RASGEF1C: variants seen among roughly 807,000 people sequenced by gnomAD.
RASGEF1C encodes RasGEF domain family member 1C.
A neutral mutation model predicts 58.1 loss-of-function variants in RASGEF1C; 27 were observed. The ratio of observed to expected loss-of-function variants is 0.46; its 90% CI spans 0.34 to 0.64. The LOEUF (loss-of-function observed/expected upper bound fraction) is 0.64, where lower values mean the gene tolerates loss of function less well. RASGEF1C is among the 30% of genes least tolerant of loss of function. RASGEF1C has a pLI of 0.01. For synonymous variants in RASGEF1C, 243 were observed against 246.3 expected (o/e 0.99, Z 0.13); for missense variants, 502 against 605.1 (o/e 0.83, Z 1.79).
chr5:180,178,569 C>T (rs142570051), intron 1 of RASGEF1C, among the ~76,000 whole-genome samples: 3,155 of 152,092 alleles, frequency 0.021, 93 homozygotes, highest in African/African-American at 0.072. Context: ...TGTGAGCCAC[C>T]GTGACTGGCT....
chr5:180,145,059 G>T (rs1467617488), intron 1 of RASGEF1C, among the ~76,000 whole-genome samples: 2 of 152,226 alleles, frequency 1.3e-5, no homozygotes, highest in Non-Finnish European at 2.9e-5. Context: ...TCAGTGGGCA[G>T]TGGGGGTTGT....
chr5:180,137,424 T>C lies in RASGEF1C; in HGVS notation c.300+166A>G, dbSNP rs1271598390. On this transcript the variant is annotated intron_variant, in intron 3 of 13. Coordinates refer to ENST00000361132, the MANE Select transcript of RASGEF1C (RefSeq NM_175062.4). The surrounding 1 kb of genome is among the most constrained non-coding windows in gnomAD (Gnocchi z 4.1). ...AACTACATGGAGGTTAAAGGTCCTG[T>C]TCTGCTCCTTCTGGCTCTGGGCCTC... Among the ~76,000 whole-genome samples, 2 of 152,146 alleles carry C rather than the reference T, an allele frequency of 1.3e-5. No homozygotes were observed. The highest frequency in any genetic ancestry group is 2.9e-5 in the Non-Finnish European group (2 of 68,020).
intron 3 of RASGEF1C, chr5:180,136,718 C>T: frequency 5.1e-6 from 3 of 592,098 alleles, no homozygotes; most frequent in East Asian, 5.9e-5. Flanking sequence ...GCAGGGCCAT[C>T]TCTTGCTCTG....
At chr5:180,173,868 G>A (rs955299653) in intron 1 of RASGEF1C, among the ~76,000 whole-genome samples, 8 of 150,232 alleles carry the variant, frequency 5.3e-5, no homozygotes, top group African/African-American at 1.2e-4. Flanking sequence ...AGCTGAGATT[G>A]TGCCACTGCA....
intron 10 of RASGEF1C, chr5:180,115,443 G>A (rs1323128301): frequency 6.1e-6 from 2 of 326,594 alleles, no homozygotes; most frequent in South Asian, 5.1e-5. Flanking sequence ...GTGAAGGGCT[G>A]CGGGCTGCGT....
intron 1 of RASGEF1C, among the ~76,000 whole-genome samples, chr5:180,175,567 G>A (rs1248082559): frequency 6.6e-6 from 1 of 152,210 alleles, no homozygotes; most frequent in Non-Finnish European, 1.5e-5. Context: ...GGCCACACTC[G>A]GGACATTTCC....
At chr5:180,111,327 C>G in intron 12 of RASGEF1C, 130 bp downstream of exon 12, 1 of 1,255,606 alleles carries the variant, frequency 8.0e-7, no homozygotes, top group South Asian at 1.4e-5. Context: ...TCCTTGTTCC[C>G]TCCCGGAGCC....
At chr5:180,135,626 T>G (rs1766458584) in intron 4 of RASGEF1C, among the ~76,000 whole-genome samples, 1 of 152,164 alleles carries the variant, frequency 6.6e-6, no homozygotes, top group African/African-American at 2.4e-5. Context: ...CTTTCGCCCA[T>G]AAGGGAAGTG....
At chr5:180,124,375 T>C (rs1325263961) in intron 6 of RASGEF1C, among the ~76,000 whole-genome samples, 1 of 152,164 alleles carries the variant, frequency 6.6e-6, no homozygotes, top group African/African-American at 2.4e-5. Context: ...ACAAGAACAG[T>C]ATCAGAAGGG....
chr5:180,159,675 C>T (rs942972298), intron 1 of RASGEF1C, among the ~76,000 whole-genome samples: 1 of 152,178 alleles, frequency 6.6e-6, no homozygotes, highest in Non-Finnish European at 1.5e-5. Context: ...TTTGGGGGAA[C>T]TCTGATCCTG....
intron 1 of RASGEF1C, among the ~76,000 whole-genome samples, chr5:180,193,290 C>CAA: frequency 7.0e-6 from 1 of 142,818 alleles, no homozygotes; most frequent in Middle Eastern, 4.3e-3. Flanking sequence ...CTCCTGACCT[C>CAA]GTGATCCGCC....
At chr5:180,199,659 C>T (rs2127564030) in intron 1 of RASGEF1C, among the ~76,000 whole-genome samples, 1 of 151,742 alleles carries the variant, frequency 6.6e-6, no homozygotes, top group East Asian at 1.9e-4. Context: ...CTCTGCCTTC[C>T]CTCCCTCTCT....
At chr5:180,160,529 G>A (rs1010406724) in intron 1 of RASGEF1C, among the ~76,000 whole-genome samples, 1 of 152,166 alleles carries the variant, frequency 6.6e-6, no homozygotes, top group Non-Finnish European at 1.5e-5. Context: ...CGAACTGCAC[G>A]CACCCATTTC....
intron 12 of RASGEF1C, among the ~76,000 whole-genome samples, chr5:180,103,484 G>A (rs551272125): frequency 3.3e-5 from 5 of 152,134 alleles, no homozygotes; most frequent in African/African-American, 9.7e-5. Flanking sequence ...TAGTTTCAGC[G>A]TGCACATGTT....
At chr5:180,157,071 C>T (rs1280807825) in intron 1 of RASGEF1C, among the ~76,000 whole-genome samples, 2 of 152,200 alleles carry the variant, frequency 1.3e-5, no homozygotes, top group South Asian at 4.1e-4. Flanking sequence ...GGTGAGAGGG[C>T]AATACAGTAC....
intron 1 of RASGEF1C, among the ~76,000 whole-genome samples, chr5:180,170,460 T>A (rs777633499): frequency 1.1e-4 from 16 of 152,156 alleles, no homozygotes; most frequent in Non-Finnish European, 2.2e-4. Flanking sequence ...GGGACGCAAG[T>A]TGTAGCGTCT....
At chr5:180,152,267 T>G (rs1351276118) in intron 1 of RASGEF1C, among the ~76,000 whole-genome samples, 1 of 152,106 alleles carries the variant, frequency 6.6e-6, no homozygotes, top group African/African-American at 2.4e-5. Flanking sequence ...GATACACATA[T>G]GTTTATTGCG....
rs770528657 is a variant in RASGEF1C, at chr5:180,121,163, A to G, written c.715-14T>C. On this transcript the variant is annotated splice_polypyrimidine_tract_variant and intron_variant, in intron 6 of 13. Transcript: ENST00000361132. Reference sequence around the variant, plus strand: ...ACTGAAGCAGGGCTAGAACAAACACAGCACACGGGACCACGTTCTGAGCCT... The same window carrying G: ...ACTGAAGCAGGGCTAGAACAAACACGGCACACGGGACCACGTTCTGAGCCT... 1 of 1,589,904 alleles carries G rather than the reference A, an allele frequency of 6.3e-7. No individual in the cohort carries two copies. The highest frequency in any genetic ancestry group is 8.6e-7 in the Non-Finnish European group (1 of 1,157,932).
At chr5:180,113,916 G>C (rs1482769495) in intron 11 of RASGEF1C, among the ~76,000 whole-genome samples, 1 of 152,082 alleles carries the variant, frequency 6.6e-6, no homozygotes, top group African/African-American at 2.4e-5. Context: ...TGTGCTTTGG[G>C]AGGCCTGACA....
Sources: gnomAD v4.1 joint callset for allele counts (sites outside exome capture counted in the v4.1 genomes callset) on GRCh38, gnomAD v4.1.1 for gene constraint, Gnocchi (gnomAD v3.1) non-coding constraint, MANE v1.5 for transcripts, NCBI Gene and HGNC (gene_info 2026-07-23, HGNC 2026-07-21) for gene names.